LRP6: variants seen among roughly 807,000 people sequenced by gnomAD.
The protein encoded by LRP6 is LDL receptor related protein 6.
In LRP6, 43 loss-of-function variants were observed where a neutral mutation model predicts 184.1. The ratio of observed to expected loss-of-function variants is 0.23; its 90% CI spans 0.18 to 0.30. The LOEUF is 0.30. Among genes scored for constraint, LRP6 ranks in the 10% least tolerant of loss-of-function variants. The pLI is 1.00. For synonymous variants in LRP6, 719 were observed against 684.9 expected (o/e 1.05, Z -0.78); for missense variants, 1,571 against 2,005.3 (o/e 0.78, Z 4.14).
At chr12:12,239,775 A>G (rs1374311266) in intron 2 of LRP6, among the ~76,000 whole-genome samples, 1 of 152,056 alleles carries the variant, frequency 6.6e-6, no homozygotes, top group African/African-American at 2.4e-5. Context: ...TGTTACAAGC[A>G]AAGAAAGCTT....
chr12:12,127,048 T>G (rs1949682334), intron 19 of LRP6, 127 bp from the exon 20 acceptor site: 1 of 812,168 alleles, frequency 1.2e-6, no homozygotes, highest in Admixed American at 2.0e-5. Context: ...CATAAACACT[T>G]TTCTTTTTTA....
At chr12:12,171,522 AAAAAAAAAT>A (rs1349919344) in intron 7 of LRP6, among the ~76,000 whole-genome samples, 1 of 113,110 alleles carries the variant, frequency 8.8e-6, no homozygotes, top group Non-Finnish European at 1.7e-5. Context: ...ACTCAGTCTC[AAAAAAAAAT>A]AAAATAAATA....
In LRP6 at chr12:12,215,000, A is replaced by T. The variant is rs115251832; in HGVS notation, c.450-11600T>A. Among the ~76,000 whole-genome samples the T allele has an allele frequency of 8.3e-3, 1,259 of 152,262 alleles. 11 individuals are homozygous for T. Among genetic ancestry groups the T allele is most frequent in the African/African-American group, 0.029 (1,193 of 41,536 alleles). ...GTTTCTTTTACATTTCTTCCCTGCT[A>T]TATGAACCCTTCGTTTTAGTCACTC... On this transcript the variant is annotated intron_variant, in intron 2 of 22. Transcript: ENST00000261349.
At chr12:12,155,576 C>A in intron 12 of LRP6, 1 of 742,950 alleles carries the variant, frequency 1.3e-6, no homozygotes. Context: ...AGATAGCTTC[C>A]TAAAGGAAGC....
chr12:12,166,241 A>G (rs1179185733), intron 7 of LRP6, among the ~76,000 whole-genome samples: 1 of 152,152 alleles, frequency 6.6e-6, no homozygotes, highest in African/African-American at 2.4e-5. Flanking sequence ...GGACTTGAAC[A>G]CTGGGACTCT....
At chr12:12,201,597 T>C (rs946321058) in intron 3 of LRP6, among the ~76,000 whole-genome samples, 10 of 152,170 alleles carry the variant, frequency 6.6e-5, no homozygotes, top group South Asian at 2.1e-4. Context: ...TTTGCCCTTA[T>C]CTAGTTGTGC....
intron 7 of LRP6, among the ~76,000 whole-genome samples, chr12:12,177,889 T>C (rs776712058): frequency 7.3e-5 from 11 of 151,158 alleles, no homozygotes; most frequent in Non-Finnish European, 1.2e-4. Context: ...AACGAATGAA[T>C]GAAGGAACAA....
chr12:12,247,450 C>T (rs1198860344), intron 1 of LRP6, among the ~76,000 whole-genome samples: 1 of 152,122 alleles, frequency 6.6e-6, no homozygotes, highest in Non-Finnish European at 1.5e-5. Flanking sequence ...TCAGTTAAGG[C>T]CTCACAAGCA....
chr12:12,249,029 A>C, intron 1 of LRP6: 2 of 653,996 alleles, frequency 3.1e-6, no homozygotes, highest in Non-Finnish European at 2.8e-6. Context: ...AGTCCCTTGC[A>C]ATTTCCCACT....
chr12:12,181,179 C>A lies in LRP6; in HGVS notation c.1237G>T (p.Val413Phe). The A allele has an allele frequency of 6.2e-7, 1 of 1,614,116 alleles. No individual in the cohort carries two copies. Among genetic ancestry groups the A allele is most frequent in the Non-Finnish European group, 8.5e-7 (1 of 1,180,000 alleles). ...AHPDGIAVDWVARNLYWTDTG... is the reference protein window; with the variant it reads ...AHPDGIAVDWFARNLYWTDTG... ...TCTGTCCAATAAAGATTTCGTGCAA[C>A]CCAGTCCACAGCAATACCATCAGGA... The change falls in exon 6 of 23, where the codon GTT becomes TTT. Residue 413 changes from valine (V) to phenylalanine (F), a missense_variant. Around this residue, in one of 4 missense-constraint regions of LRP6, gnomAD observed 640 missense variants for 851.9 expected, o/e 0.75. Coordinates refer to ENST00000261349, the MANE Select transcript of LRP6 (RefSeq NM_002336.3).
At chr12:12,249,364 C>G in intron 1 of LRP6, 4 of 1,049,166 alleles carry the variant, frequency 3.8e-6, no homozygotes, top group Non-Finnish European at 6.0e-6. Flanking sequence ...AGCTTTGGCG[C>G]CTAATGGTGT....
At chr12:12,150,725 T>C in intron 13 of LRP6, 111 bp downstream of exon 13, 2 of 1,129,724 alleles carry the variant, frequency 1.8e-6, no homozygotes, top group Non-Finnish European at 2.7e-6. Context: ...TTCAGTTTCA[T>C]ACACACATAC....
chr12:12,150,936 C>T lies in LRP6; in HGVS notation c.2894G>A (p.Arg965Gln), dbSNP rs1326261781. 3.7e-6 allele frequency: 6 copies of T among 1,614,094 alleles called. No individual in the cohort carries two copies. Among genetic ancestry groups the T allele is most frequent in the Admixed American group, 1.7e-5 (1 of 60,012 alleles). ...PDIILPIHSL[R>Q]NVRAIDYDPL... ...GTCATAGTCAATGGCCCGGACATTC[C>T]GAAGGCTGTGGATGGGAAGGATGAT... The change falls in exon 13 of 23, where the codon CGG (arginine) becomes CAG (glutamine). Residue 965 changes from arginine to glutamine, a missense_variant. Coordinates refer to ENST00000261349, the MANE Select transcript of LRP6 (RefSeq NM_002336.3).
At chr12:12,223,341 A>T (rs1232867602) in intron 2 of LRP6, among the ~76,000 whole-genome samples, 1 of 152,236 alleles carries the variant, frequency 6.6e-6, no homozygotes, top group Non-Finnish European at 1.5e-5. Flanking sequence ...CACAAGTATT[A>T]GCTACACTGA....
At chr12:12,188,148 T>C (rs914884402) in intron 3 of LRP6, among the ~76,000 whole-genome samples, 1 of 148,434 alleles carries the variant, frequency 6.7e-6, no homozygotes, top group Non-Finnish European at 1.5e-5. Flanking sequence ...GAGGCGGAGG[T>C]TGCAGTGAGC....
intron 17 of LRP6, among the ~76,000 whole-genome samples, chr12:12,134,020 G>A (rs1397338003): frequency 1.3e-5 from 2 of 152,120 alleles, no homozygotes; most frequent in Non-Finnish European, 2.9e-5. Flanking sequence ...TGACTACGCT[G>A]TATGCTATCT....
At chr12:12,201,491 TC>T (rs1863913029) in intron 3 of LRP6, among the ~76,000 whole-genome samples, 1 of 152,126 alleles carries the variant, frequency 6.6e-6, no homozygotes, top group Non-Finnish European at 1.5e-5. Flanking sequence ...ATTTTGGCGT[TC>T]CCCTGCTTTC....
At chr12:12,159,553 T>C (rs1591898940) in intron 11 of LRP6, among the ~76,000 whole-genome samples, 1 of 152,190 alleles carries the variant, frequency 6.6e-6, no homozygotes. Context: ...TAGGGAGTTA[T>C]AAATTTCATT....
chr12:12,259,902 AAAG>A (rs1459748584), intron 1 of LRP6, among the ~76,000 whole-genome samples: 1 of 152,222 alleles, frequency 6.6e-6, no homozygotes, highest in African/African-American at 2.4e-5. Flanking sequence ...CATCCTGCAG[AAAG>A]AAATCCACCA....
Sources: allele counts gnomAD v4.1 joint callset (sites outside exome capture counted in the v4.1 genomes callset), GRCh38; gene constraint gnomAD v4.1.1; regional missense constraint gnomAD v4.1.1; transcripts MANE v1.5; gene names NCBI Gene and HGNC (gene_info 2026-07-23, HGNC 2026-07-21).